The following PAX8 variants were observed in gnomAD, a reference collection of about 807,000 sequenced individuals.
PAX8 encodes the protein paired box protein Pax-8.
Under a neutral mutation model 52.4 loss-of-function variants are expected in PAX8, and 15 were observed. The observed-to-expected ratio is 0.29, with a 90% CI of 0.19 to 0.44. PAX8 has a LOEUF of 0.44. PAX8 is among the 20% of genes least tolerant of loss of function. The pLI, the probability that PAX8 is intolerant of heterozygous loss-of-function variation, is 1.00. For missense variants in PAX8, 554 were observed against 602.5 expected, an observed-to-expected ratio of 0.92 and a Z score of 0.84; for synonymous variants, 284 against 249.7, an observed-to-expected ratio of 1.14 and a Z score of -1.29.
At chr2:113,228,363 C>T (rs1014330415) in intron 9 of PAX8, among the ~76,000 whole-genome samples, 1 of 152,210 alleles carries the variant, frequency 6.6e-6, no homozygotes, top group African/African-American at 2.4e-5. Flanking sequence ...TCTCAAAATG[C>T]TCCAGTTGGA....
chr2:113,238,560 T>A (rs1690556383), intron 7 of PAX8: 1 of 152,358 alleles, frequency 6.6e-6, no homozygotes, highest in African/African-American at 2.4e-5. Context: ...TTGGTGATTT[T>A]GTATTCAATG....
intron 2 of PAX8, among the ~76,000 whole-genome samples, chr2:113,251,503 C>T (rs1437574331): frequency 1.3e-5 from 2 of 151,976 alleles, no homozygotes; most frequent in Non-Finnish European, 2.9e-5. Flanking sequence ...ACCGCCTGGC[C>T]GGATGCAAGC....
intron 2 of PAX8, among the ~76,000 whole-genome samples, chr2:113,261,380 A>G (rs1692666018): frequency 6.6e-6 from 1 of 152,172 alleles, no homozygotes; most frequent in East Asian, 1.9e-4. Context: ...AAGCTGGTAC[A>G]GAGAGAGCTC....
intron 6 of PAX8, 85 bp from the exon 7 acceptor site, chr2:113,241,811 G>C (rs749699382): frequency 1.2e-5 from 18 of 1,540,116 alleles, no homozygotes; most frequent in Non-Finnish European, 1.4e-5. Flanking sequence ...ACTCCAAGCT[G>C]ACTCACTGTG....
chr2:113,234,869 T>C (rs1690148110), intron 9 of PAX8, among the ~76,000 whole-genome samples: 1 of 151,830 alleles, frequency 6.6e-6, no homozygotes, highest in African/African-American at 2.4e-5. Context: ...TGATGGGAGG[T>C]CCCCCACTCC....
chr2:113,259,381 TC>T (rs1692498875), intron 2 of PAX8: 1 of 152,960 alleles, frequency 6.5e-6, no homozygotes, highest in South Asian at 2.1e-4. Flanking sequence ...CAGAACCTTC[TC>T]CATCCTCCCA....
chr2:113,246,177 T>G (rs1253654063), intron 3 of PAX8, among the ~76,000 whole-genome samples: 2 of 152,234 alleles, frequency 1.3e-5, no homozygotes, highest in Non-Finnish European at 2.9e-5. Flanking sequence ...TGCCAAAACT[T>G]GCGCCTATTT....
intron 9 of PAX8, among the ~76,000 whole-genome samples, chr2:113,232,791 C>T (rs1689972402): frequency 6.6e-6 from 1 of 152,126 alleles, no homozygotes; most frequent in Non-Finnish European, 1.5e-5. Context: ...TATGTCTGCA[C>T]TCTGATACAT....
intron 7 of PAX8, chr2:113,237,121 A>C (rs1690428867): frequency 5.8e-6 from 1 of 171,296 alleles, no homozygotes; most frequent in African/African-American, 2.4e-5. Flanking sequence ...TCTTCCCCAG[A>C]TAGGAAACCC....
Position 113,259,751 on chromosome 2 carries a change from G to A in PAX8, c.26-12832C>T, listed in dbSNP as rs1024821943. Among the ~76,000 whole-genome samples, 4 of 152,326 alleles carry A rather than the reference G, an allele frequency of 2.6e-5. No homozygotes were observed. The South Asian group carries it at 6.2e-4, about 24-fold the overall frequency. ...CTTCTAGTCAGGGGCTGCAAATGGA[G>A]CTTCCCAGTGCTCCCTGCAGGTTTA... On this transcript the variant is annotated intron_variant, in intron 2 of 11. Transcript: ENST00000429538.
chr2:113,220,371 T>C, intron 10 of PAX8, 193 bp from the exon 11 acceptor site: 1 of 587,604 alleles, frequency 1.7e-6, no homozygotes, highest in Non-Finnish European at 3.1e-6. Context: ...ATCTGGAAAA[T>C]TTGGGGCAGT....
Position 113,241,692 on chromosome 2 carries a change from T to C in PAX8, c.636A>G (p.Ser212=). 1.2e-6 allele frequency: 2 copies of C among 1,614,110 alleles called. No homozygotes were observed. The highest frequency in any genetic ancestry group is 1.7e-6 in the Non-Finnish European group (2 of 1,180,012). The change falls in exon 7 of 12, where the codon TCA becomes TCG. Residue 212 remains serine (S), a synonymous_variant. Transcript: ENST00000429538. ...TTCGGGGTCCGCTGCTGCTGCTCTG[T>C]GAGTCAATGCTTAGTCGGCAGCTAT... ...DQDSCRLSID[S]QSSSSGPRKH...
chr2:113,245,553 A>C (rs536329530), intron 3 of PAX8, among the ~76,000 whole-genome samples: 1 of 152,166 alleles, frequency 6.6e-6, no homozygotes, highest in Admixed American at 6.5e-5. Flanking sequence ...CCTTGCTTGG[A>C]TCCCCAGCCA....
chr2:113,250,266 CAAAAA>C (rs35799959), intron 2 of PAX8, among the ~76,000 whole-genome samples: 1 of 103,002 alleles, frequency 9.7e-6, no homozygotes, highest in Non-Finnish European at 2.0e-5. Context: ...GACTCCATCT[CAAAAA>C]AAAAAAAAAA....
chr2:113,254,576 T>C (rs1387576316), intron 2 of PAX8, among the ~76,000 whole-genome samples: 1 of 152,174 alleles, frequency 6.6e-6, no homozygotes. Context: ...TAAATCCTAG[T>C]CTGGCCATAT....
In PAX8 at chr2:113,235,429, A is replaced by C. The variant is rs773058276; in HGVS notation, c.1052T>G (p.Val351Gly). The C allele has an allele frequency of 2.5e-6, 4 of 1,603,624 alleles. No homozygotes were observed. The African/African-American group carries it at 5.4e-5, about 21-fold the overall frequency. Residue 351 changes from valine to glycine, a missense_variant, in exon 9 of 12, where the codon GTG becomes GGG. Val to Gly is a moderately radical substitution (Grantham distance 109). Around this residue, in one of 2 missense-constraint regions of PAX8, gnomAD observed 445 missense variants for 409.9 expected, o/e 1.09. Coordinates refer to ENST00000429538, the MANE Select transcript of PAX8 (RefSeq NM_003466.4). ...PFNAFPHAAS[V>G]YGQFTGQALL... ...GGCCTGGCCCGTGAACTGCCCGTACACGGAGGCAGCATGGGGAAAGGCATT... is the reference window on the plus strand; with the variant it reads ...GGCCTGGCCCGTGAACTGCCCGTACCCGGAGGCAGCATGGGGAAAGGCATT...
At chr2:113,229,769 G>C (rs1471957979) in intron 9 of PAX8, among the ~76,000 whole-genome samples, 2 of 152,164 alleles carry the variant, frequency 1.3e-5, no homozygotes, top group African/African-American at 4.8e-5. Context: ...AGCCCCCTTG[G>C]CCCTCAGATG....
intron 2 of PAX8, among the ~76,000 whole-genome samples, chr2:113,248,348 T>TG (rs1691495613): frequency 6.6e-6 from 1 of 152,230 alleles, no homozygotes; most frequent in South Asian, 2.1e-4. Flanking sequence ...TATGCCTGGA[T>TG]GCTTGTCATT....
At chr2:113,244,346 C>G in intron 4 of PAX8, 81 bp downstream of exon 4, 1 of 1,093,126 alleles carries the variant, frequency 9.1e-7, no homozygotes, top group Non-Finnish European at 1.4e-6. Flanking sequence ...TCCACCCAAG[C>G]CAGGCCTTTC....
Sources: gnomAD v4.1 joint callset for allele counts (sites outside exome capture counted in the v4.1 genomes callset) on GRCh38, gnomAD v4.1.1 for gene constraint, gnomAD v4.1.1 regional missense constraint, MANE v1.5 for transcripts, NCBI Gene and HGNC (gene_info 2026-07-23, HGNC 2026-07-21) for gene names.